Variants in HPSE2 observed in about 807,000 individuals in gnomAD.
HPSE2 encodes the protein heparanase 2 (inactive), also known as inactive heparanase-2.
Under a neutral mutation model 60.5 loss-of-function variants are expected in HPSE2, and 38 were observed. That is an observed-to-expected ratio of 0.63 (90% CI 0.48 to 0.82). The LOEUF (loss-of-function observed/expected upper bound fraction) is 0.82. HPSE2 is among the 40% of genes least tolerant of loss of function. HPSE2 has a pLI of 0.00. For synonymous variants in HPSE2, 295 were observed against 293.2 expected (o/e 1.01, Z -0.06); for missense variants, 713 against 740.4 (o/e 0.96, Z 0.43).
the HPSE2 span, among the ~76,000 whole-genome samples, chr10:99,293,372 G>GA: frequency 1.3e-5 from 2 of 152,140 alleles, no homozygotes; most frequent in African/African-American, 4.8e-5. Flanking sequence ...ACTGTATCTT[G>GA]AAAAATGAAT....
At chr10:98,462,657 T>A (rs1940346420) in intron 11 of HPSE2, among the ~76,000 whole-genome samples, 1 of 149,942 alleles carries the variant, frequency 6.7e-6, no homozygotes. Context: ...TTTGTTTTCG[T>A]TTTTGTTTTT....
At chr10:98,882,047 A>G (rs1165491983) in intron 3 of HPSE2, among the ~76,000 whole-genome samples, 1 of 152,058 alleles carries the variant, frequency 6.6e-6, no homozygotes, top group Non-Finnish European at 1.5e-5. Flanking sequence ...AGCAGAGGTG[A>G]CAGGCAAAAG....
chr10:98,548,628 A>AG (rs201453158), intron 9 of HPSE2, among the ~76,000 whole-genome samples: 2 of 151,692 alleles, frequency 1.3e-5, no homozygotes, highest in Admixed American at 6.6e-5. Context: ...AAAAAAAAAA[A>AG]AAGAAATTTA....
intron 3 of HPSE2, among the ~76,000 whole-genome samples, chr10:99,068,747 AGAGAG>A (rs766776855): frequency 1.3e-5 from 2 of 152,226 alleles, no homozygotes; most frequent in African/African-American, 2.4e-5. Context: ...ATGAAAAGAA[AGAGAG>A]GAAAGATCAT....
At chr10:99,062,325 G>T (rs566755988) in intron 3 of HPSE2, among the ~76,000 whole-genome samples, 56 of 152,168 alleles carry the variant, frequency 3.7e-4, no homozygotes, top group East Asian at 2.5e-3. Context: ...TGTTTAAGAA[G>T]AATTTATATT....
intron 3 of HPSE2, among the ~76,000 whole-genome samples, chr10:99,133,430 T>C (rs1305738041): frequency 1.3e-5 from 2 of 152,176 alleles, no homozygotes; most frequent in African/African-American, 2.4e-5. Flanking sequence ...CTGACCTCTA[T>C]GTATCCTGAC....
At chr10:99,242,174 G>A in the HPSE2 span, among the ~76,000 whole-genome samples, 1 of 152,162 alleles carries the variant, frequency 6.6e-6, no homozygotes, top group Non-Finnish European at 1.5e-5. Flanking sequence ...AGAAGCAAGG[G>A]ATGACAACAC....
intron 3 of HPSE2, among the ~76,000 whole-genome samples, chr10:98,904,484 T>C (rs1335621950): frequency 1.3e-5 from 2 of 152,178 alleles, no homozygotes; most frequent in African/African-American, 4.8e-5. Flanking sequence ...TCCTTATTAA[T>C]CACATAAATT....
upstream of HPSE2, among the ~76,000 whole-genome samples, chr10:99,237,099 C>G (rs564353618): frequency 6.6e-6 from 1 of 152,272 alleles, no homozygotes; most frequent in South Asian, 2.1e-4. Flanking sequence ...CCCACAACAG[C>G]TTGCAAATTG....
chr10:98,763,442 A>G (rs1315907840), intron 3 of HPSE2, among the ~76,000 whole-genome samples: 2 of 152,074 alleles, frequency 1.3e-5, no homozygotes, highest in Non-Finnish European at 2.9e-5. Context: ...GTATAAAGAA[A>G]AAAAATCTTG....
intron 3 of HPSE2, among the ~76,000 whole-genome samples, chr10:99,095,848 G>T (rs1039207869): frequency 4.6e-5 from 7 of 152,142 alleles, no homozygotes; most frequent in African/African-American, 1.7e-4. Context: ...TTGTATACAA[G>T]TTTTTGTGTG....
chr10:98,789,874 G>T (rs1442348549), intron 3 of HPSE2, among the ~76,000 whole-genome samples: 1 of 152,188 alleles, frequency 6.6e-6, no homozygotes, highest in African/African-American at 2.4e-5. Flanking sequence ...AGCAAAGTGA[G>T]TTATTAATAT....
chr10:98,577,587 T>G (rs1419418518), intron 9 of HPSE2, among the ~76,000 whole-genome samples: 1 of 152,234 alleles, frequency 6.6e-6, no homozygotes, highest in East Asian at 1.9e-4. Flanking sequence ...GAGGTGCTAT[T>G]AAAACTTTGG....
chr10:98,920,695 T>C (rs186381353), intron 3 of HPSE2, among the ~76,000 whole-genome samples: 4 of 152,320 alleles, frequency 2.6e-5, no homozygotes, highest in Non-Finnish European at 5.9e-5. Context: ...TTTCATATAA[T>C]TGAATTAAAT....
chr10:98,931,009 T>C (rs1388551719), intron 3 of HPSE2, among the ~76,000 whole-genome samples: 1 of 144,302 alleles, frequency 6.9e-6, no homozygotes, highest in South Asian at 2.1e-4. Context: ...TTTGTTGCAA[T>C]TGCTTTTGGA....
intron 3 of HPSE2, among the ~76,000 whole-genome samples, chr10:99,115,712 T>C (rs191743161): frequency 5.1e-4 from 78 of 152,288 alleles, no homozygotes; most frequent in Admixed American, 5.0e-3. Flanking sequence ...ATGTATAAAA[T>C]ACAATTTTAT....
chr10:98,485,863 G>A (rs1252843), intron 10 of HPSE2, among the ~76,000 whole-genome samples: 10,748 of 152,056 alleles, frequency 0.071, 1,206 homozygotes, highest in African/African-American at 0.24. Flanking sequence ...CAGAGCTGGG[G>A]CAGAATGAGC....
intron 3 of HPSE2, among the ~76,000 whole-genome samples, chr10:98,950,571 C>T (rs80035626): frequency 0.013 from 2,047 of 152,214 alleles, 38 homozygotes; most frequent in African/African-American, 0.046. Context: ...TTCCTAATGT[C>T]TCTGACCATC....
intron 3 of HPSE2, among the ~76,000 whole-genome samples, chr10:98,813,064 T>C (rs1565181780): frequency 6.6e-6 from 1 of 152,172 alleles, no homozygotes; most frequent in Non-Finnish European, 1.5e-5. Flanking sequence ...CAAAGAATTA[T>C]TGGTCTTGGC....
Sources: gnomAD v4.1 joint callset for allele counts (sites outside exome capture counted in the v4.1 genomes callset) on GRCh38, gnomAD v4.1.1 for gene constraint, MANE v1.5 for transcripts, NCBI Gene and HGNC (gene_info 2026-07-23, HGNC 2026-07-21) for gene names.